P2RX5: variants seen among roughly 807,000 people sequenced by gnomAD.
The protein encoded by P2RX5 is P2X purinoceptor 5.
In P2RX5, 46 loss-of-function variants were observed where a neutral mutation model predicts 54.1. The observed-to-expected ratio is 0.85, with a 90% CI of 0.67 to 1.09. The LOEUF (loss-of-function observed/expected upper bound fraction) is 1.09, where lower values mean the gene tolerates loss of function less well. Ranked by LOEUF, P2RX5 falls within the 50% of genes least tolerant of loss-of-function variation. The pLI is 0.00. For synonymous variants in P2RX5, 226 were observed against 226.4 expected (o/e 1.00, Z 0.02); for missense variants, 566 against 549.8 (o/e 1.03, Z -0.29).
intron 1 of P2RX5, 65 bp from the exon 2 acceptor site, chr17:3,691,859 C>A (rs754798743): frequency 7.0e-6 from 11 of 1,565,992 alleles, no homozygotes; most frequent in South Asian, 1.1e-5. Flanking sequence ...CTTCCCCAGG[C>A]CTTGGGGTGG....
intron 1 of P2RX5, among the ~76,000 whole-genome samples, chr17:3,694,387 G>A (rs1297451020): frequency 6.6e-6 from 1 of 152,098 alleles, no homozygotes; most frequent in African/African-American, 2.4e-5. Context: ...TGTATTTTTA[G>A]TAGAAACAGG....
At chr17:3,691,330 C>T (rs1320981307) in intron 2 of P2RX5, among the ~76,000 whole-genome samples, 1 of 152,244 alleles carries the variant, frequency 6.6e-6, no homozygotes, top group East Asian at 1.9e-4. Context: ...TTCCCAGAGG[C>T]AGTGACTTAG....
intron 11 of P2RX5, among the ~76,000 whole-genome samples, 187 bp downstream of exon 11, chr17:3,679,403 G>C (rs2050177301): frequency 6.6e-6 from 1 of 152,158 alleles, no homozygotes; most frequent in Non-Finnish European, 1.5e-5. Flanking sequence ...AGCTAAGGGG[G>C]ACCTTGCGGG....
At position 3,673,623 on chromosome 17, in the gene P2RX5, G is replaced by T; in HGVS notation, c.*245C>A. On this transcript the variant is annotated 3_prime_UTR_variant, in exon 12 of 12. Coordinates refer to ENST00000225328, the MANE Select transcript of P2RX5 (RefSeq NM_002561.4). ...CCTAGTGCGGGAAGCCAGCCACGGA[G>T]AAAGGAAGAACTGACGGCAGGGGGT... The T allele has an allele frequency of 7.0e-7, 1 of 1,425,620 alleles. No homozygotes were observed. 88.3% of individuals were successfully genotyped at this position (1,425,620 alleles called of 1,614,324 possible).
intron 1 of P2RX5, among the ~76,000 whole-genome samples, chr17:3,694,069 G>A (rs1053335688): frequency 6.6e-5 from 10 of 151,750 alleles, no homozygotes; most frequent in Admixed American, 2.0e-4. Context: ...TACACTCAGC[G>A]GTGTGAAAAC....
intron 9 of P2RX5, among the ~76,000 whole-genome samples, chr17:3,685,346 G>A (rs2050411978): frequency 6.6e-6 from 1 of 152,212 alleles, no homozygotes; most frequent in Admixed American, 6.5e-5. Context: ...AGCTGGCAGA[G>A]CGTGAAATCC....
At chr17:3,685,718 TCCCAGC>T (rs2050440082) in intron 9 of P2RX5, 1 of 18,264 alleles carries the variant, frequency 5.5e-5, no homozygotes, top group African/African-American at 9.9e-5. Context: ...AACGTCCCCC[TCCCAGC>T]CTGAGAACAG....
At chr17:3,675,922 A>G in intron 11 of P2RX5, 1 of 985,372 alleles carries the variant, frequency 1.0e-6, no homozygotes. Context: ...ACCCAAAGCG[A>G]GGAAGTTGCT....
Position 3,673,634 on chromosome 17 carries a change from C to G in P2RX5, c.*234G>C, listed in dbSNP as rs2050031877. On this transcript the variant is annotated 3_prime_UTR_variant, in exon 12 of 12. Transcript: ENST00000225328. ...AAGCCAGCCACGGAGAAAGGAAGAACTGACGGCAGGGGGTGGGGCAAAAAG... is the reference window on the plus strand; with the variant it reads ...AAGCCAGCCACGGAGAAAGGAAGAAGTGACGGCAGGGGGTGGGGCAAAAAG... The G allele has an allele frequency of 2.1e-6, 3 of 1,431,566 alleles. No individual in the cohort carries two copies. The highest frequency in any genetic ancestry group is 2.7e-6 in the Non-Finnish European group (3 of 1,094,928). The allele number at this position is 1,431,566 out of a possible 1,614,324, so 88.7% of individuals were successfully genotyped here. A position where few individuals can be genotyped will look rare whatever the true frequency, so the allele number is the denominator to read the frequency against.
intron 10 of P2RX5, among the ~76,000 whole-genome samples, chr17:3,680,328 CATCCTCCACCCTGCGTCCTCCACCCAGT>C (rs1436615926): frequency 3.4e-3 from 457 of 135,990 alleles, no homozygotes; most frequent in Admixed American, 4.7e-3. Flanking sequence ...CTCCACCCTG[CATCCTCCACCCTGCGTCCTCCACCCAGT>C]GTCCTCCACC....
At chr17:3,705,227 T>C in the P2RX5 span, among the ~76,000 whole-genome samples, 15 of 152,254 alleles carry the variant, frequency 9.9e-5, no homozygotes, top group African/African-American at 2.4e-4. Context: ...AGTGTGAGAA[T>C]GGTGGCAATG....
intron 10 of P2RX5, 149 bp from the exon 11 acceptor site, chr17:3,679,933 C>T (rs890455632): frequency 5.6e-6 from 4 of 716,446 alleles, no homozygotes; most frequent in Non-Finnish European, 7.4e-6. Context: ...TTCCTCCATG[C>T]GGCTCCCTCC....
At chr17:3,714,067 A>T in the P2RX5 span, among the ~76,000 whole-genome samples, 1 of 151,448 alleles carries the variant, frequency 6.6e-6, no homozygotes, top group African/African-American at 2.4e-5. Flanking sequence ...AGCTGGGACT[A>T]CAGGCACCTG....
At chr17:3,703,557 C>T in the P2RX5 span, among the ~76,000 whole-genome samples, 1 of 151,988 alleles carries the variant, frequency 6.6e-6, no homozygotes, top group Non-Finnish European at 1.5e-5. Context: ...CCTCATTTCC[C>T]TATGGGATGA....
At chr17:3,711,951 G>A in the P2RX5 span, among the ~76,000 whole-genome samples, 96 of 152,194 alleles carry the variant, frequency 6.3e-4, no homozygotes, top group Non-Finnish European at 1.1e-3. Context: ...TAGTTCCCCC[G>A]ATTACAGCTG....
At chr17:3,677,019 G>A (rs1053511984) in intron 11 of P2RX5, 3 of 893,746 alleles carry the variant, frequency 3.4e-6, no homozygotes, top group South Asian at 5.1e-5. Context: ...CCAAGATCAC[G>A]CCACTGCACT....
the P2RX5 span, among the ~76,000 whole-genome samples, chr17:3,719,235 C>CAAAA: frequency 2.6e-4 from 17 of 66,192 alleles, no homozygotes; most frequent in South Asian, 5.7e-4. Context: ...GATTCTTCCT[C>CAAAA]AAAAAAAAAA....
chr17:3,718,789 A>C, the P2RX5 span, among the ~76,000 whole-genome samples: 20,787 of 152,122 alleles, frequency 0.14, 4,741 homozygotes, highest in African/African-American at 0.47. Flanking sequence ...ATGAAGGAAC[A>C]ATTATTTTTC....
chr17:3,703,273 G>A, the P2RX5 span, among the ~76,000 whole-genome samples: 1 of 152,194 alleles, frequency 6.6e-6, no homozygotes, highest in African/African-American at 2.4e-5. Context: ...GGGAGGCTGA[G>A]GTGAGAGGAT....
Sources: allele counts gnomAD v4.1 joint callset (sites outside exome capture counted in the v4.1 genomes callset), GRCh38; gene constraint gnomAD v4.1.1; transcripts MANE v1.5; gene names NCBI Gene and HGNC (gene_info 2026-07-23, HGNC 2026-07-21).